TTLL7: variants seen among roughly 807,000 people sequenced by gnomAD.
TTLL7 encodes the protein tubulin polyglutamylase TTLL7.
In TTLL7, 53 loss-of-function variants were observed where a neutral mutation model predicts 120.2. The ratio of observed to expected loss-of-function variants is 0.44; its 90% confidence interval spans 0.35 to 0.55. The LOEUF is 0.55. TTLL7 is among the 20% of genes least tolerant of loss of function. The pLI is 0.00. For missense variants in TTLL7, 803 were observed against 1,054.7 expected (o/e 0.76, Z 3.31); for synonymous variants, 353 against 351.7 (o/e 1.00, Z -0.04).
intron 16 of TTLL7, 113 bp downstream of exon 16, chr1:83,907,343 T>G: frequency 6.8e-5 from 61 of 891,038 alleles, no homozygotes; most frequent in Non-Finnish European, 1.0e-4. Flanking sequence ...CAAGAGGTCA[T>G]GAGTTGAATT....
At chr1:83,876,706 T>A (rs936740939) in intron 20 of TTLL7, among the ~76,000 whole-genome samples, 1 of 152,010 alleles carries the variant, frequency 6.6e-6, no homozygotes, top group African/African-American at 2.4e-5. Flanking sequence ...TAAAATTTTA[T>A]ATCTCAGATA....
At chr1:83,892,270 ATATATATGAATATATATG>A (rs761409426) in intron 18 of TTLL7, among the ~76,000 whole-genome samples, 2,930 of 91,034 alleles carry the variant, frequency 0.032, 331 homozygotes, top group Non-Finnish European at 0.047. Context: ...ATATATACGA[ATATATATGAATATATATG>A]TATATATGAA....
chr1:83,920,346 G>A (rs1171750928), intron 12 of TTLL7, among the ~76,000 whole-genome samples: 1 of 151,994 alleles, frequency 6.6e-6, no homozygotes, highest in African/African-American at 2.4e-5. Flanking sequence ...CTGCAGGAGT[G>A]TTTTTACTTA....
At chr1:83,977,622 C>T (rs1355945578) in intron 1 of TTLL7, among the ~76,000 whole-genome samples, 3 of 152,062 alleles carry the variant, frequency 2.0e-5, no homozygotes, top group African/African-American at 7.2e-5. Flanking sequence ...GCTGCAGCAT[C>T]CACAATTCTG....
At chr1:83,974,938 GATAAAAAATA>G (rs1651326656) in intron 1 of TTLL7, among the ~76,000 whole-genome samples, 1 of 151,960 alleles carries the variant, frequency 6.6e-6, no homozygotes, top group South Asian at 2.1e-4. Context: ...AGCTCCTGAT[GATAAAAAATA>G]ACCATTTTCC....
chr1:83,905,516 C>T (rs1402192407), intron 17 of TTLL7, among the ~76,000 whole-genome samples: 1 of 136,694 alleles, frequency 7.3e-6, no homozygotes, highest in Non-Finnish European at 1.7e-5. Flanking sequence ...GTGCCCTCTC[C>T]TCTGGGAAAA....
intron 18 of TTLL7, among the ~76,000 whole-genome samples, chr1:83,901,780 T>C (rs1656745006): frequency 6.6e-6 from 1 of 151,904 alleles, no homozygotes; most frequent in African/African-American, 2.4e-5. Context: ...CAGATAAAAG[T>C]ATATAATTTA....
chr1:83,930,653 G>T (rs1333771864), intron 9 of TTLL7, among the ~76,000 whole-genome samples: 1 of 152,128 alleles, frequency 6.6e-6, no homozygotes, highest in Non-Finnish European at 1.5e-5. Flanking sequence ...TGACAGTGTT[G>T]CCACTATATG....
chr1:83,900,188 C>G lies in TTLL7; in HGVS notation c.2208+3891G>C, dbSNP rs77548223. The stretch of plus-strand genomic sequence containing the variant: ...ATTATTGCTGTTCAAATAAACATCA[C>G]TAACTAGTAAGGAAAGAAGACTACA... On this transcript the variant is annotated intron_variant, in intron 18 of 20. Coordinates refer to ENST00000260505, the MANE Select transcript of TTLL7 (RefSeq NM_024686.6). 1.4e-4 allele frequency: 64 copies of G among 444,824 alleles called. No homozygotes were observed. The East Asian group carries it at 4.3e-3, about 30-fold the overall frequency. The allele number at this position is 444,824 out of a possible 1,614,324, so 27.6% of individuals were successfully genotyped here. A position where few individuals can be genotyped will look rare whatever the true frequency, so the allele number is the denominator to read the frequency against.
chr1:83,917,555 G>T, intron 14 of TTLL7, 49 bp downstream of exon 14: 1 of 1,306,472 alleles, frequency 7.7e-7, no homozygotes, highest in Non-Finnish European at 1.1e-6. Context: ...AGTATCAAGG[G>T]CTAGTAGCAT....
At position 83,950,004 on chromosome 1, in the gene TTLL7, A is replaced by G; in HGVS notation, c.158-18T>C. The G allele has an allele frequency of 3.8e-6, 6 of 1,589,868 alleles. No individual in the cohort carries two copies. The highest frequency in any genetic ancestry group is 5.1e-6 in the Non-Finnish European group (6 of 1,169,034). ...TAAACGAACTGCAAGTAAACAGTTA[A>G]GTTAAACCAAAATTAAAATACTTCT... On this transcript the variant is annotated intron_variant, in intron 3 of 20. Coordinates refer to ENST00000260505, the MANE Select transcript of TTLL7 (RefSeq NM_024686.6).
intron 9 of TTLL7, among the ~76,000 whole-genome samples, chr1:83,930,991 G>T (rs1451320930): frequency 6.6e-6 from 1 of 150,464 alleles, no homozygotes; most frequent in Admixed American, 6.6e-5. Context: ...TTTTCATTCA[G>T]GGTTGTTCTT....
chr1:83,877,125 T>C (rs1181795157), intron 20 of TTLL7, among the ~76,000 whole-genome samples: 1 of 151,996 alleles, frequency 6.6e-6, no homozygotes, highest in East Asian at 1.9e-4. Flanking sequence ...TCTATCAAGA[T>C]TTTTATCTCT....
chr1:83,936,947 CCTT>C (rs1384320607), intron 8 of TTLL7, among the ~76,000 whole-genome samples: 2 of 152,260 alleles, frequency 1.3e-5, no homozygotes, highest in Admixed American at 6.5e-5. Context: ...CCACTTCACT[CCTT>C]CTTACTTGTC....
rs1450831518 is a variant in TTLL7 at position 83,951,781 on chromosome 1, T to C, written c.157+64A>G. On this transcript the variant is annotated intron_variant, in intron 3 of 20. Transcript: ENST00000260505. The stretch of plus-strand genomic sequence containing the variant: ...ATCTCTTTGGATTTCTACATTGTTT[T>C]TAACACCAAATCAGTTTTTCCAGCA... The C allele has an allele frequency of 2.0e-5, 31 of 1,530,486 alleles. 1 individual carries two copies. In the Middle Eastern group the frequency reaches 3.2e-3, roughly 156 times the overall value. 94.8% of individuals were successfully genotyped at this position (1,530,486 alleles called of 1,614,324 possible).
At chr1:83,879,659 A>G (rs561895396) in intron 20 of TTLL7, among the ~76,000 whole-genome samples, 21 of 152,170 alleles carry the variant, frequency 1.4e-4, no homozygotes, top group East Asian at 1.4e-3. Context: ...CTATAGAGTA[A>G]CAAAGTAACA....
chr1:83,982,738 G>A (rs762786562), intron 1 of TTLL7, among the ~76,000 whole-genome samples: 11 of 152,252 alleles, frequency 7.2e-5, no homozygotes, highest in Admixed American at 2.0e-4. Flanking sequence ...AAAGTAACTT[G>A]TAGATTCAAT....
In TTLL7 at chr1:83,995,971, T is replaced by C. The variant is rs547736374; in HGVS notation, c.-177+2960A>G. Among the ~76,000 whole-genome samples the C allele has an allele frequency of 5.3e-5, 8 of 152,250 alleles. No homozygotes were observed. In the South Asian group the frequency reaches 1.5e-3, roughly 28 times the overall value. On this transcript the variant is annotated intron_variant, in intron 1 of 20. Transcript: ENST00000260505. ...CATTTTAAACCTAGTATTAAGCCAG[T>C]TGTAATTAAATGAAAACTAAAGTTA... is the stretch of plus-strand genomic sequence containing the variant.
intron 1 of TTLL7, among the ~76,000 whole-genome samples, chr1:83,965,104 CCAGT>C (rs1048946639): frequency 3.0e-5 from 2 of 67,422 alleles, no homozygotes; most frequent in Non-Finnish European, 5.6e-5. Flanking sequence ...CAATCTCTCC[CCAGT>C]CAATCTATTT....
Sources: gnomAD v4.1 joint callset for allele counts (sites outside exome capture counted in the v4.1 genomes callset) on GRCh38, gnomAD v4.1.1 for gene constraint, MANE v1.5 for transcripts, NCBI Gene and HGNC (gene_info 2026-07-23, HGNC 2026-07-21) for gene names.